IQGAP2: variants seen among roughly 807,000 people sequenced by gnomAD.
IQGAP2 encodes the protein IQ motif containing GTPase activating protein 2.
A neutral mutation model predicts 201.3 loss-of-function variants in IQGAP2; 173 were observed. The observed-to-expected ratio is 0.86, with a 90% CI of 0.76 to 0.98. The LOEUF is 0.98. Ranked by LOEUF, IQGAP2 falls within the 50% of genes least tolerant of loss-of-function variation. The pLI, the probability that IQGAP2 is intolerant of heterozygous loss-of-function variation, is 0.00. For missense variants in IQGAP2, 1,687 were observed against 1,864.8 expected (o/e 0.90, Z 1.76); for synonymous variants, 675 against 673.9 (o/e 1.00, Z -0.03).
intron 2 of IQGAP2, chr5:76,510,638 A>G: frequency 1.9e-6 from 1 of 529,134 alleles, no homozygotes; most frequent in Non-Finnish European, 3.8e-6. Flanking sequence ...GGAGGTGACT[A>G]CTTCTACTCC....
chr5:76,667,877 CTTTTT>C (rs540744402), intron 22 of IQGAP2, among the ~76,000 whole-genome samples: 4 of 123,428 alleles, frequency 3.2e-5, no homozygotes, highest in African/African-American at 9.4e-5. Context: ...AGTCCACTTT[CTTTTT>C]TTTTTTTTTT....
At chr5:76,614,129 C>G (rs991480382) in intron 13 of IQGAP2, among the ~76,000 whole-genome samples, 2 of 152,194 alleles carry the variant, frequency 1.3e-5, no homozygotes, top group African/African-American at 2.4e-5. Flanking sequence ...GAGCCTGACT[C>G]CACAAACCCA....
At chr5:76,513,650 C>G (rs761178354) in intron 2 of IQGAP2, among the ~76,000 whole-genome samples, 1 of 152,064 alleles carries the variant, frequency 6.6e-6, no homozygotes, top group Non-Finnish European at 1.5e-5. Context: ...TACATGACAC[C>G]GTGGAAAAGG....
intron 1 of IQGAP2, among the ~76,000 whole-genome samples, chr5:76,442,355 G>C (rs1177374354): frequency 6.6e-6 from 1 of 152,136 alleles, no homozygotes; most frequent in African/African-American, 2.4e-5. Context: ...GAATAAAAAT[G>C]ACATCACAGT....
intron 5 of IQGAP2, among the ~76,000 whole-genome samples, chr5:76,580,140 G>T (rs953665907): frequency 6.6e-6 from 1 of 152,124 alleles, no homozygotes; most frequent in Non-Finnish European, 1.5e-5. Flanking sequence ...GCCAGGTGTG[G>T]TGGCAGGTGC....
chr5:76,496,761 CTTTCTTTCTTTCTTTCTT>C (rs1756983731), intron 2 of IQGAP2, among the ~76,000 whole-genome samples: 94 of 89,102 alleles, frequency 1.1e-3, no homozygotes, highest in African/African-American at 4.9e-3. Context: ...TTCTTTCTTT[CTTTCTTTCTTTCTTTCTT>C]TCTTTCTTTC....
At chr5:76,543,544 G>A (rs10064543) in intron 2 of IQGAP2, among the ~76,000 whole-genome samples, 56,120 of 152,016 alleles carry the variant, frequency 0.37, 10,996 homozygotes, top group East Asian at 0.64. Flanking sequence ...TGGGAACCTC[G>A]TTGTCACCAA....
Position 76,435,837 on chromosome 5 carries a change from G to T in IQGAP2, c.47-25733G>T, listed in dbSNP as rs550043848. 2.0e-5 allele frequency among the ~76,000 whole-genome samples: 3 copies of T among 152,244 alleles called. No homozygotes were observed. In the East Asian group the frequency reaches 5.8e-4, roughly 29 times the overall value. ...ATAAGCACAGGATATGTTTACGTTTGCTTGTATCATCTGTGATTTCTTTCA... is the reference window on the plus strand; with the variant it reads ...ATAAGCACAGGATATGTTTACGTTTTCTTGTATCATCTGTGATTTCTTTCA... On this transcript the variant is annotated intron_variant, in intron 1 of 35. Coordinates refer to ENST00000274364, the MANE Select transcript of IQGAP2 (RefSeq NM_006633.5).
chr5:76,451,215 G>A (rs1210741975), intron 1 of IQGAP2, among the ~76,000 whole-genome samples: 1 of 152,124 alleles, frequency 6.6e-6, no homozygotes, highest in Non-Finnish European at 1.5e-5. Context: ...CTGAAGTCAC[G>A]AAGTGTGCTG....
chr5:76,476,135 TAACGTGC>T (rs1254862892), intron 2 of IQGAP2, among the ~76,000 whole-genome samples: 2 of 152,176 alleles, frequency 1.3e-5, no homozygotes, highest in African/African-American at 4.8e-5. Flanking sequence ...CAGGTAGTGA[TAACGTGC>T]AAGGTGTGGT....
intron 8 of IQGAP2, 77 bp downstream of exon 8, chr5:76,590,663 A>G: frequency 2.7e-6 from 3 of 1,118,182 alleles, no homozygotes; most frequent in Non-Finnish European, 3.8e-6. Flanking sequence ...TAATGTTGAA[A>G]GCAATACTTT....
chr5:76,522,933 G>A (rs1758775268), intron 2 of IQGAP2, among the ~76,000 whole-genome samples: 1 of 152,060 alleles, frequency 6.6e-6, no homozygotes, highest in Non-Finnish European at 1.5e-5. Flanking sequence ...TTCTGCCTAA[G>A]TAAATGACCC....
At chr5:76,488,352 T>C (rs1756302045) in intron 2 of IQGAP2, among the ~76,000 whole-genome samples, 1 of 152,222 alleles carries the variant, frequency 6.6e-6, no homozygotes, top group Non-Finnish European at 1.5e-5. Flanking sequence ...GATCCTTCTC[T>C]TATAGATTAA....
chr5:76,454,842 G>A (rs1247914962), intron 1 of IQGAP2, among the ~76,000 whole-genome samples: 1 of 151,768 alleles, frequency 6.6e-6, no homozygotes, highest in Non-Finnish European at 1.5e-5. Flanking sequence ...AGTATTTCTA[G>A]TTCTAGATCC....
intron 1 of IQGAP2, among the ~76,000 whole-genome samples, chr5:76,423,953 T>C (rs988026684): frequency 6.6e-6 from 1 of 152,224 alleles, no homozygotes; most frequent in Non-Finnish European, 1.5e-5. Context: ...GTAGCACCTG[T>C]AGGTTTAGCG....
Position 76,589,169 on chromosome 5 carries a change from G to A in IQGAP2, c.526+196G>A, listed in dbSNP as rs536360954. 1.1e-3 allele frequency among the ~76,000 whole-genome samples: 169 copies of A among 152,006 alleles called. 1 individual carries two copies. Among genetic ancestry groups the A allele is most frequent in the Non-Finnish European group, 2.0e-3 (136 of 67,966 alleles). Reference sequence around the variant, plus strand: ...TACTAAAAAATACAAAAAATTAGCCGGGCGTGGTGGGGGGCTCCTGTAGTC... The same window carrying A: ...TACTAAAAAATACAAAAAATTAGCCAGGCGTGGTGGGGGGCTCCTGTAGTC... On this transcript the variant is annotated intron_variant, in intron 6 of 35. Transcript: ENST00000274364.
chr5:76,689,520 T>C (rs894504393), intron 30 of IQGAP2, among the ~76,000 whole-genome samples: 2 of 152,226 alleles, frequency 1.3e-5, no homozygotes, highest in Non-Finnish European at 2.9e-5. Context: ...GTGATCCTTA[T>C]GGCCTTAATT....
chr5:76,408,028 G>A (rs1028569195), intron 1 of IQGAP2, among the ~76,000 whole-genome samples: 7 of 152,208 alleles, frequency 4.6e-5, no homozygotes, highest in African/African-American at 1.7e-4. Flanking sequence ...CTACTTGGGA[G>A]GCTGAGGCAG....
At chr5:76,429,598 G>GTATATATATATA (rs1561365057) in intron 1 of IQGAP2, among the ~76,000 whole-genome samples, 1 of 117,674 alleles carries the variant, frequency 8.5e-6, no homozygotes, top group Non-Finnish European at 1.9e-5. Context: ...ATATATATAT[G>GTATATATATATA]TATATTTATA....
Sources: allele counts gnomAD v4.1 joint callset (sites outside exome capture counted in the v4.1 genomes callset), GRCh38; gene constraint gnomAD v4.1.1; transcripts MANE v1.5; gene names NCBI Gene and HGNC (gene_info 2026-07-23, HGNC 2026-07-21).